Variants in ASAP1 observed in about 807,000 individuals in gnomAD.
ASAP1 encodes the protein arf-GAP with SH3 domain, ANK repeat and PH domain-containing protein 1.
Under a neutral mutation model 145.2 loss-of-function variants are expected in ASAP1, and 43 were observed. That is an observed-to-expected ratio of 0.30 (90% CI 0.23 to 0.38). The LOEUF (loss-of-function observed/expected upper bound fraction) is 0.38. ASAP1 is among the 10% of genes least tolerant of loss of function. The pLI is 1.00. For synonymous variants in ASAP1, 546 were observed against 515.5 expected, an observed-to-expected ratio of 1.06 and a Z score of -0.80; for missense variants, 1,018 against 1,355.3, an observed-to-expected ratio of 0.75 and a Z score of 3.91.
rs139116417 is a variant in ASAP1, at chr8:130,112,141, G to A, written c.2354C>T (p.Ser785Leu). The change falls in exon 24 of 30, where the codon TCA becomes TTA. Residue 785 changes from serine (S) to leucine (L), a missense_variant. This residue lies in a region of ASAP1 where 353 missense variants were observed against 375.4 expected (regional missense o/e 0.94). Transcript: ENST00000518721. ...FVSTSTDSPT[S>L]PTTEAPPLPP... ...CAGAGGGGGAGCCTCCGTGGTTGGT[G>A]ATGTGGGCGAGTCTGTGCTTGTGGA... is the stretch of plus-strand genomic sequence containing the variant. 6 of 1,614,046 alleles carry A rather than the reference G, an allele frequency of 3.7e-6. No homozygotes were observed. In the African/African-American group the frequency reaches 5.3e-5, roughly 14 times the overall value.
intron 13 of ASAP1, among the ~76,000 whole-genome samples, chr8:130,147,013 G>A (rs2097632721): frequency 6.6e-6 from 1 of 151,978 alleles, no homozygotes; most frequent in African/African-American, 2.4e-5. Context: ...ATCACTTGAA[G>A]TCATGAATTT....
At chr8:130,173,427 C>A (rs1240967206) in intron 9 of ASAP1, among the ~76,000 whole-genome samples, 3 of 152,110 alleles carry the variant, frequency 2.0e-5, no homozygotes, top group Admixed American at 2.0e-4. Context: ...CTTCTCTGTT[C>A]CTCCTTTCTC....
intron 3 of ASAP1, among the ~76,000 whole-genome samples, chr8:130,281,840 G>A (rs1190493449): frequency 6.6e-6 from 1 of 152,218 alleles, no homozygotes. Flanking sequence ...AACAAGGCAG[G>A]CAGATCACGA....
At chr8:130,344,019 C>T (rs981558767) in intron 3 of ASAP1, among the ~76,000 whole-genome samples, 1 of 152,138 alleles carries the variant, frequency 6.6e-6, no homozygotes, top group Admixed American at 6.5e-5. Flanking sequence ...GGAATAGGTT[C>T]TTCTTATTCT....
chr8:130,086,130 C>T (rs1180944785), intron 25 of ASAP1, among the ~76,000 whole-genome samples: 1 of 152,238 alleles, frequency 6.6e-6, no homozygotes, highest in Admixed American at 6.5e-5. Flanking sequence ...GGCACAGAAA[C>T]CACTGCTGTG....
Position 130,092,096 on chromosome 8 carries a change from T to TAGAG in ASAP1, c.2445_2448dup (p.Ser817LeufsTer2). The TAGAG allele has an allele frequency of 6.4e-7, 1 of 1,570,506 alleles. No individual in the cohort carries two copies. The highest frequency in any genetic ancestry group is 8.6e-7 in the Non-Finnish European group (1 of 1,164,254). The stretch of plus-strand genomic sequence containing the variant: ...TTCTTGGATAGGGTGGAGCTGCCAC[T>TAGAG]AGAGGTCTGGGTGCTTAGAGGGAGT... On this transcript the variant is annotated frameshift_variant, in exon 25 of 30. Transcript: ENST00000518721. LOFTEE classifies it high-confidence loss of function.
chr8:130,092,278 T>A, intron 24 of ASAP1, 135 bp from the exon 25 acceptor site: 1 of 919,348 alleles, frequency 1.1e-6, no homozygotes, highest in Non-Finnish European at 1.6e-6. Flanking sequence ...TGGATATGGC[T>A]AACTCCATCA....
chr8:130,409,733 G>A (rs1043391267), intron 1 of ASAP1, among the ~76,000 whole-genome samples: 1 of 152,172 alleles, frequency 6.6e-6, no homozygotes, highest in Admixed American at 6.5e-5. Flanking sequence ...AACAATCAAA[G>A]ATGGTTTGGG....
At chr8:130,327,039 T>C (rs1015039574) in intron 3 of ASAP1, among the ~76,000 whole-genome samples, 11 of 152,144 alleles carry the variant, frequency 7.2e-5, no homozygotes, top group African/African-American at 2.7e-4. Flanking sequence ...AGCATCTGAG[T>C]AGCTAAGGGA....
chr8:130,162,725 G>C (rs928975943), intron 11 of ASAP1, among the ~76,000 whole-genome samples: 1 of 151,226 alleles, frequency 6.6e-6, no homozygotes, highest in African/African-American at 2.4e-5. Flanking sequence ...GGCTGAGGCA[G>C]AAGAATGGCG....
intron 3 of ASAP1, among the ~76,000 whole-genome samples, chr8:130,304,279 C>T (rs1458776684): frequency 6.6e-6 from 1 of 151,110 alleles, no homozygotes; most frequent in Non-Finnish European, 1.5e-5. Context: ...CGGAAAAGAA[C>T]GCCTTGTATA....
chr8:130,193,744 T>C (rs1446512931), intron 5 of ASAP1, among the ~76,000 whole-genome samples: 3 of 152,204 alleles, frequency 2.0e-5, no homozygotes, highest in African/African-American at 7.2e-5. Context: ...TATTATAAAA[T>C]AACAATTAAA....
rs868586877 is a variant in ASAP1, at chr8:130,109,295, T to C, written c.2401+2799A>G. Among the ~76,000 whole-genome samples the C allele has an allele frequency of 3.3e-5, 5 of 152,278 alleles. No individual in the cohort carries two copies. In the South Asian group the frequency reaches 6.2e-4, roughly 19 times the overall value. On this transcript the variant is annotated intron_variant, in intron 24 of 29. Transcript: ENST00000518721. ...GAGCTACTGAGCTCCTCTGAGACTC[T>C]GGGGCACTGCTCACTTGTAAGCACA... is the stretch of plus-strand genomic sequence containing the variant.
chr8:130,149,144 C>T lies in ASAP1; in HGVS notation c.1080+3592G>A, dbSNP rs959456617. Among the ~76,000 whole-genome samples the T allele has an allele frequency of 1.3e-4, 19 of 150,144 alleles. No homozygotes were observed. The South Asian group carries it at 1.3e-3, about 10-fold the overall frequency. ...TGAGCGGATTACAGGCATGAGCCAC[C>T]GCGCCTGGCCTGAGGCTAACTGAAA... On this transcript the variant is annotated intron_variant, in intron 13 of 29. Transcript: ENST00000518721.
chr8:130,409,520 G>C (rs1305520026), intron 1 of ASAP1, among the ~76,000 whole-genome samples: 4 of 152,132 alleles, frequency 2.6e-5, no homozygotes, highest in Non-Finnish European at 5.9e-5. Flanking sequence ...ATGTGTTTGA[G>C]ATGGGCCCTT....
At chr8:130,419,360 A>G (rs939381999) in intron 1 of ASAP1, among the ~76,000 whole-genome samples, 1 of 152,182 alleles carries the variant, frequency 6.6e-6, no homozygotes, top group Non-Finnish European at 1.5e-5. Flanking sequence ...ATTGGGGTCA[A>G]TAAGATATGA....
intron 23 of ASAP1, among the ~76,000 whole-genome samples, chr8:130,112,658 A>G (rs1718876460): frequency 6.6e-6 from 1 of 152,270 alleles, no homozygotes; most frequent in Non-Finnish European, 1.5e-5. Flanking sequence ...ACATTTGAAT[A>G]GTATTTCCAC....
At chr8:130,421,802 T>C (rs1049656550) in intron 1 of ASAP1, among the ~76,000 whole-genome samples, 1 of 152,226 alleles carries the variant, frequency 6.6e-6, no homozygotes, top group Non-Finnish European at 1.5e-5. Context: ...TATCACTATA[T>C]TACTAACTAA....
At chr8:130,386,938 T>C (rs921677334) in intron 2 of ASAP1, 5 of 152,230 alleles carry the variant, frequency 3.3e-5, no homozygotes, top group Non-Finnish European at 7.3e-5. Flanking sequence ...TGTAGCTGTT[T>C]ATAAGCACCA....
Sources: allele counts gnomAD v4.1 joint callset (sites outside exome capture counted in the v4.1 genomes callset), GRCh38; gene constraint gnomAD v4.1.1; regional missense constraint gnomAD v4.1.1; transcripts MANE v1.5; gene names NCBI Gene and HGNC (gene_info 2026-07-23, HGNC 2026-07-21).